DOCK1: variants seen among roughly 807,000 people sequenced by gnomAD.
DOCK1 encodes the protein dedicator of cytokinesis 1, also known as dedicator of cytokinesis protein 1.
In DOCK1, 138 loss-of-function variants were observed where a neutral mutation model predicts 262.7. The observed-to-expected ratio is 0.53, with a 90% CI of 0.46 to 0.61. DOCK1 has a LOEUF of 0.61. DOCK1 is among the 20% of genes least tolerant of loss of function. The pLI is 0.00. For synonymous variants in DOCK1, 866 were observed against 867.4 expected (o/e 1.00, Z 0.03); for missense variants, 1,908 against 2,370.7 (o/e 0.80, Z 4.05).
At chr10:126,909,435 G>T (rs1001938802) in intron 1 of DOCK1, among the ~76,000 whole-genome samples, 6 of 152,152 alleles carry the variant, frequency 3.9e-5, no homozygotes, top group African/African-American at 1.4e-4. Flanking sequence ...TAAGCTGGCT[G>T]GGTTGTGGGA....
At chr10:127,351,589 G>A (rs1299378971) in intron 31 of DOCK1, among the ~76,000 whole-genome samples, 2 of 152,092 alleles carry the variant, frequency 1.3e-5, no homozygotes, top group African/African-American at 4.8e-5. Context: ...TGTATGACTA[G>A]TGCAGTCCCC....
intron 27 of DOCK1, among the ~76,000 whole-genome samples, chr10:127,244,292 A>G (rs772670929): frequency 1.6e-4 from 24 of 152,170 alleles, no homozygotes; most frequent in Non-Finnish European, 3.2e-4. Flanking sequence ...ACCCTACAAA[A>G]TATCATATTA....
At chr10:127,234,809 G>A (rs928830867) in intron 27 of DOCK1, among the ~76,000 whole-genome samples, 7 of 151,580 alleles carry the variant, frequency 4.6e-5, no homozygotes, top group African/African-American at 1.7e-4. Context: ...TTCTATATAA[G>A]TGTAAGAGCA....
At chr10:127,383,457 A>G (rs995662792) in intron 37 of DOCK1, among the ~76,000 whole-genome samples, 4 of 152,156 alleles carry the variant, frequency 2.6e-5, no homozygotes, top group Non-Finnish European at 4.4e-5. Flanking sequence ...CTTCAAAGTT[A>G]AAGAGTTTGT....
chr10:127,369,215 A>T (rs897029668), intron 33 of DOCK1, among the ~76,000 whole-genome samples: 14 of 152,208 alleles, frequency 9.2e-5, no homozygotes, highest in African/African-American at 3.1e-4. Context: ...TTTCCACTGT[A>T]ATATGAATGT....
At chr10:127,314,544 G>A (rs1450364372) in intron 29 of DOCK1, among the ~76,000 whole-genome samples, 3 of 152,144 alleles carry the variant, frequency 2.0e-5, no homozygotes, top group Non-Finnish European at 4.4e-5. Context: ...AGTTGCAGAC[G>A]GTAATGTATG....
intron 5 of DOCK1, chr10:126,988,317 G>A (rs1054725849): frequency 1.3e-5 from 2 of 152,234 alleles, no homozygotes; most frequent in East Asian, 1.9e-4. Flanking sequence ...ATATGCTAAT[G>A]TTATTACCAC....
chr10:126,948,628 C>T lies in DOCK1; in HGVS notation c.47-22074C>T, dbSNP rs937526557. The stretch of plus-strand genomic sequence containing the variant: ...GGCCACAGATGGAGAAGGAAAGTTT[C>T]CCGATGTGGGGTTGCAGGGTCAGGT... On this transcript the variant is annotated intron_variant, in intron 1 of 51. Transcript: ENST00000623213. Among the ~76,000 whole-genome samples, 8 of 152,072 alleles carry T rather than the reference C, an allele frequency of 5.3e-5. No homozygotes were observed. In the East Asian group the frequency reaches 1.4e-3, roughly 26 times the overall value.
chr10:127,160,373 C>T (rs2053494199), intron 27 of DOCK1, among the ~76,000 whole-genome samples: 2 of 152,200 alleles, frequency 1.3e-5, no homozygotes, highest in African/African-American at 4.8e-5. Flanking sequence ...GTTCTCTTCT[C>T]ACATTCCTGG....
chr10:126,941,616 C>CGTG (rs1397883539), intron 1 of DOCK1, among the ~76,000 whole-genome samples: 1 of 152,056 alleles, frequency 6.6e-6, no homozygotes, highest in Non-Finnish European at 1.5e-5. Context: ...ATTAGCCAGG[C>CGTG]GTGGTGGCGG....
intron 6 of DOCK1, among the ~76,000 whole-genome samples, chr10:126,993,154 C>G (rs2039934199): frequency 6.6e-6 from 1 of 152,212 alleles, no homozygotes; most frequent in Non-Finnish European, 1.5e-5. Context: ...TCTGCCCTGG[C>G]AGGTGTGAGG....
intron 1 of DOCK1, among the ~76,000 whole-genome samples, chr10:126,928,820 TC>T (rs2033969911): frequency 6.6e-6 from 1 of 152,228 alleles, no homozygotes; most frequent in African/African-American, 2.4e-5. Flanking sequence ...GAAATGGGCT[TC>T]CTTTCTTCCT....
chr10:127,407,889 TCTC>T (rs1404146759), intron 40 of DOCK1, among the ~76,000 whole-genome samples: 2 of 151,962 alleles, frequency 1.3e-5, no homozygotes, highest in African/African-American at 2.4e-5. Context: ...CTCGCTGTCT[TCTC>T]CTTGTGGCAG....
chr10:127,076,728 C>T (rs74158607), intron 23 of DOCK1, among the ~76,000 whole-genome samples: 4,634 of 152,250 alleles, frequency 0.03, 224 homozygotes, highest in African/African-American at 0.11. Flanking sequence ...CCATTGAAAC[C>T]CAAGACTCCA....
chr10:127,432,770 G>A (rs1022208775), intron 47 of DOCK1, among the ~76,000 whole-genome samples: 13 of 152,146 alleles, frequency 8.5e-5, no homozygotes, highest in Non-Finnish European at 1.6e-4. Context: ...CTACTCAGTG[G>A]CTTCAGTCAC....
chr10:127,101,315 C>A (rs1031398045), intron 23 of DOCK1, among the ~76,000 whole-genome samples: 9 of 152,060 alleles, frequency 5.9e-5, no homozygotes, highest in Admixed American at 5.9e-4. Context: ...GAAACCCGGC[C>A]CTTCAGGAGA....
chr10:127,138,692 A>G (rs2050926743), intron 27 of DOCK1, among the ~76,000 whole-genome samples: 1 of 152,192 alleles, frequency 6.6e-6, no homozygotes, highest in African/African-American at 2.4e-5. Context: ...ACAACACAGA[A>G]GTAAAATTCC....
chr10:127,232,302 G>A (rs1045309014), intron 27 of DOCK1, among the ~76,000 whole-genome samples: 16 of 152,094 alleles, frequency 1.1e-4, no homozygotes, highest in Non-Finnish European at 2.1e-4. Context: ...ATGTATGCAG[G>A]TTTCTCTTTT....
intron 1 of DOCK1, among the ~76,000 whole-genome samples, chr10:126,963,966 T>C (rs980639481): frequency 0.029 from 4,385 of 152,138 alleles, 199 homozygotes; most frequent in African/African-American, 0.099. Context: ...ATTTTGAAGA[T>C]AGAGTTTAGG....
Sources: gnomAD v4.1 joint callset for allele counts (sites outside exome capture counted in the v4.1 genomes callset) on GRCh38, gnomAD v4.1.1 for gene constraint, MANE v1.5 for transcripts, NCBI Gene and HGNC (gene_info 2026-07-23, HGNC 2026-07-21) for gene names.